Variants in CAMKMT observed in about 807,000 individuals in gnomAD.
CAMKMT encodes the protein CaM KMT.
Under a neutral mutation model 48.0 loss-of-function variants are expected in CAMKMT, and 53 were observed. The ratio of observed to expected loss-of-function variants is 1.10; its 90% CI spans 0.89 to 1.39. The LOEUF (loss-of-function observed/expected upper bound fraction) is 1.39. Among genes scored for constraint, CAMKMT ranks in the 40% most tolerant of loss-of-function variants. The pLI, the probability that CAMKMT is intolerant of heterozygous loss-of-function variation, is 0.00. For synonymous variants in CAMKMT, 165 were observed against 152.3 expected, an observed-to-expected ratio of 1.08 and a Z score of -0.61; for missense variants, 428 against 402.7, an observed-to-expected ratio of 1.06 and a Z score of -0.54.
At chr2:44,615,257 T>C (rs1671822654) in intron 3 of CAMKMT, among the ~76,000 whole-genome samples, 1 of 152,092 alleles carries the variant, frequency 6.6e-6, no homozygotes, top group Non-Finnish European at 1.5e-5. Context: ...ACATGCCAGA[T>C]GACTTTCACA....
chr2:44,771,558 G>C (rs1681111242), intron 10 of CAMKMT, among the ~76,000 whole-genome samples: 1 of 152,118 alleles, frequency 6.6e-6, no homozygotes, highest in African/African-American at 2.4e-5. Flanking sequence ...CCCCTAAGAA[G>C]CACCTGGAGA....
At chr2:44,435,423 A>G (rs1399039017) in intron 3 of CAMKMT, among the ~76,000 whole-genome samples, 1 of 152,216 alleles carries the variant, frequency 6.6e-6, no homozygotes, top group African/African-American at 2.4e-5. Context: ...TTCCAGAAGA[A>G]TAGAAAGGCA....
chr2:44,436,589 A>T (rs1026914274), intron 3 of CAMKMT, among the ~76,000 whole-genome samples: 1 of 151,752 alleles, frequency 6.6e-6, no homozygotes, highest in South Asian at 2.1e-4. Context: ...TTTTTTTACA[A>T]ACTTTAAAAA....
intron 3 of CAMKMT, among the ~76,000 whole-genome samples, chr2:44,680,608 C>T (rs1315511408): frequency 6.6e-6 from 1 of 152,166 alleles, no homozygotes; most frequent in Non-Finnish European, 1.5e-5. Context: ...CAGTTATGCC[C>T]ATGCTGTTCA....
intron 3 of CAMKMT, among the ~76,000 whole-genome samples, chr2:44,697,413 A>C (rs1447716664): frequency 6.6e-6 from 1 of 152,066 alleles, no homozygotes; most frequent in Non-Finnish European, 1.5e-5. Flanking sequence ...GTCCAGACTA[A>C]GGCAGGTTAG....
chr2:44,436,438 A>G (rs1332691721), intron 3 of CAMKMT, among the ~76,000 whole-genome samples: 1 of 152,140 alleles, frequency 6.6e-6, no homozygotes, highest in African/African-American at 2.4e-5. Context: ...GAAAGGGGAC[A>G]CCAATTTCCA....
At chr2:44,451,903 C>A (rs1191717286) in intron 3 of CAMKMT, among the ~76,000 whole-genome samples, 2 of 151,402 alleles carry the variant, frequency 1.3e-5, no homozygotes, top group Non-Finnish European at 3.0e-5. Flanking sequence ...TAGCCAAAAA[C>A]CTTATTCCAT....
intron 3 of CAMKMT, among the ~76,000 whole-genome samples, chr2:44,594,790 A>G (rs1192060076): frequency 1.3e-5 from 2 of 152,260 alleles, no homozygotes; most frequent in Non-Finnish European, 2.9e-5. Flanking sequence ...AGCAATGGCA[A>G]CAAAATCCAA....
chr2:44,531,587 G>A (rs904189153), intron 3 of CAMKMT, among the ~76,000 whole-genome samples: 1 of 151,972 alleles, frequency 6.6e-6, no homozygotes, highest in African/African-American at 2.4e-5. Context: ...ACTTTGTTCT[G>A]GTCATGTATC....
At chr2:44,524,739 T>C (rs72879402) in intron 3 of CAMKMT, among the ~76,000 whole-genome samples, 1 of 152,360 alleles carries the variant, frequency 6.6e-6, no homozygotes, top group Non-Finnish European at 1.5e-5. Context: ...TATTTACCTG[T>C]ATGTCACAAT....
intron 1 of CAMKMT, among the ~76,000 whole-genome samples, chr2:44,372,063 T>C (rs1679231911): frequency 1.3e-5 from 2 of 152,214 alleles, no homozygotes; most frequent in African/African-American, 4.8e-5. Context: ...TTTTCTCTCC[T>C]AGCTCCATAG....
chr2:44,549,830 C>G (rs1384615749), intron 3 of CAMKMT: 1 of 399,446 alleles, frequency 2.5e-6, no homozygotes, highest in African/African-American at 2.1e-5. Flanking sequence ...TGTGGCCATA[C>G]ATTTTTGTCC....
chr2:44,392,606 A>G (rs147799997), intron 3 of CAMKMT, among the ~76,000 whole-genome samples: 3 of 152,016 alleles, frequency 2.0e-5, no homozygotes, highest in African/African-American at 7.2e-5. Flanking sequence ...AAATAGCTCA[A>G]ATAATAACCC....
In CAMKMT at chr2:44,705,245, GCTT is replaced by G. The variant is rs538512413; in HGVS notation, c.437+908_437+910del. On this transcript the variant is annotated intron_variant, in intron 4 of 10. Transcript: ENST00000378494. ...TTTGAAATATTAATGTCCTTGCTTG[GCTT>G]CTTCTCCTCCCTTTCCCCCTCTTCC... 4.0e-3 allele frequency: 1,789 copies of G among 445,194 alleles called. 5 individuals are homozygous for G. The highest frequency in any genetic ancestry group is 4.9e-3 in the Non-Finnish European group (1,653 of 336,524). The allele number at this position is 445,194 out of a possible 1,614,324, so 27.6% of individuals were successfully genotyped here. A position where few individuals can be genotyped will look rare whatever the true frequency, so the allele number is the denominator to read the frequency against.
intron 3 of CAMKMT, among the ~76,000 whole-genome samples, chr2:44,427,239 C>T (rs1684334540): frequency 1.3e-5 from 2 of 152,192 alleles, no homozygotes; most frequent in Non-Finnish European, 2.9e-5. Context: ...CTCTTCTGGA[C>T]ATTGGCCTAG....
intron 3 of CAMKMT, among the ~76,000 whole-genome samples, chr2:44,481,307 G>A: frequency 6.6e-6 from 1 of 151,846 alleles, no homozygotes; most frequent in East Asian, 1.9e-4. Flanking sequence ...ATCTATTTTT[G>A]ATGGCATAAT....
At chr2:44,593,415 G>C (rs960306376) in intron 3 of CAMKMT, among the ~76,000 whole-genome samples, 2 of 152,104 alleles carry the variant, frequency 1.3e-5, no homozygotes, top group African/African-American at 4.8e-5. Context: ...ACTCTTTGCA[G>C]CTCTGTACTC....
intron 3 of CAMKMT, among the ~76,000 whole-genome samples, chr2:44,570,273 G>A (rs969108783): frequency 1.3e-5 from 2 of 152,114 alleles, no homozygotes; most frequent in African/African-American, 4.8e-5. Context: ...AAATAATCCT[G>A]TTAAATGAAT....
intron 3 of CAMKMT, among the ~76,000 whole-genome samples, chr2:44,604,391 A>G (rs1168344131): frequency 1.3e-5 from 2 of 152,178 alleles, no homozygotes; most frequent in African/African-American, 4.8e-5. Context: ...TTTATCATAC[A>G]AGGTGTGACT....
Sources: gnomAD v4.1 joint callset for allele counts (sites outside exome capture counted in the v4.1 genomes callset) on GRCh38, gnomAD v4.1.1 for gene constraint, MANE v1.5 for transcripts, NCBI Gene and HGNC (gene_info 2026-07-23, HGNC 2026-07-21) for gene names.